Variants in TRIM44 observed in about 807,000 individuals in gnomAD.
The protein encoded by TRIM44 is tripartite motif-containing protein 44.
TRIM44 carries 13 observed loss-of-function variants against 37.4 expected under a neutral mutation model. The observed-to-expected ratio is 0.35, with a 90% CI of 0.23 to 0.55. The LOEUF (loss-of-function observed/expected upper bound fraction) is 0.55. Ranked by LOEUF, TRIM44 falls within the 20% of genes least tolerant of loss-of-function variation. The pLI is 0.89. For missense variants in TRIM44, 426 were observed against 437.2 expected (o/e 0.97, Z 0.23); for synonymous variants, 175 against 157.2 (o/e 1.11, Z -0.85).
At chr11:35,740,110 A>G (rs1214224875) in intron 4 of TRIM44, among the ~76,000 whole-genome samples, 7 of 150,470 alleles carry the variant, frequency 4.7e-5, no homozygotes, top group Non-Finnish European at 1.0e-4. Flanking sequence ...AAAAAAAAAA[A>G]AAAAAAAAAG....
At chr11:35,773,428 G>C (rs1852902286) in intron 4 of TRIM44, among the ~76,000 whole-genome samples, 1 of 151,946 alleles carries the variant, frequency 6.6e-6, no homozygotes, top group Non-Finnish European at 1.5e-5. Flanking sequence ...CTCCCACTTT[G>C]CAGGCTGTTT....
intron 2 of TRIM44, among the ~76,000 whole-genome samples, chr11:35,725,480 C>T (rs749243626): frequency 2.0e-5 from 3 of 151,938 alleles, no homozygotes; most frequent in Non-Finnish European, 4.4e-5. Flanking sequence ...ATTACAGGCA[C>T]CCACCACCAT....
chr11:35,760,107 C>T (rs1197655248), intron 4 of TRIM44, among the ~76,000 whole-genome samples: 1 of 152,216 alleles, frequency 6.6e-6, no homozygotes, highest in Non-Finnish European at 1.5e-5. Flanking sequence ...CCTACAGAGG[C>T]AGGCAGGCCT....
chr11:35,751,727 T>C (rs1336974271), intron 4 of TRIM44, among the ~76,000 whole-genome samples: 7 of 152,248 alleles, frequency 4.6e-5, no homozygotes, highest in Admixed American at 3.3e-4. Context: ...GACATAATTG[T>C]ATTTACAACC....
chr11:35,766,017 G>C (rs1326654327), intron 4 of TRIM44, among the ~76,000 whole-genome samples: 3 of 152,168 alleles, frequency 2.0e-5, no homozygotes, highest in African/African-American at 7.2e-5. Context: ...GTGGAGACAG[G>C]AGTAGGAATT....
rs1229154017 is a variant in TRIM44 at position 35,687,725 on chromosome 11, A to C, written c.747+2389A>C. On this transcript the variant is annotated intron_variant, in intron 2 of 4. Transcript: ENST00000299413. ...GAAAGTGAAAGGTTTGAGCGGTTGC[A>C]TGAGAGGAATCCCTGGAAGTGTCAG... Among the ~76,000 whole-genome samples the C allele has an allele frequency of 2.0e-5, 3 of 152,226 alleles. No homozygotes were observed. In the South Asian group the frequency reaches 6.2e-4, roughly 31 times the overall value.
At chr11:35,670,995 A>C (rs1487924766) in intron 1 of TRIM44, among the ~76,000 whole-genome samples, 1 of 152,250 alleles carries the variant, frequency 6.6e-6, no homozygotes, top group Admixed American at 6.5e-5. Context: ...TATTGGCAAG[A>C]GAATATCTTG....
intron 1 of TRIM44, among the ~76,000 whole-genome samples, chr11:35,671,755 G>A (rs1284126537): frequency 6.6e-6 from 1 of 152,226 alleles, no homozygotes; most frequent in Non-Finnish European, 1.5e-5. Context: ...CGTAAGATCA[G>A]CATTTAGTCA....
chr11:35,674,911 A>AT (rs914208883), intron 1 of TRIM44, among the ~76,000 whole-genome samples: 1 of 152,236 alleles, frequency 6.6e-6, no homozygotes, highest in African/African-American at 2.4e-5. Flanking sequence ...CCAGGAATAG[A>AT]TTCTTAGAGG....
chr11:35,688,461 AAGTT>A (rs747912583), intron 2 of TRIM44, among the ~76,000 whole-genome samples: 17 of 152,222 alleles, frequency 1.1e-4, no homozygotes, highest in Non-Finnish European at 1.9e-4. Context: ...AATCTCCCCT[AAGTT>A]AGCCACTGTT....
In TRIM44 at chr11:35,722,723, T is replaced by C. The variant is rs183006393; in HGVS notation, c.748-3201T>C. On this transcript the variant is annotated intron_variant, in intron 2 of 4. Coordinates refer to ENST00000299413, the MANE Select transcript of TRIM44 (RefSeq NM_017583.6). Reference sequence around the variant, plus strand: ...GCAAACGTGCTTTATCAGCAAGGTCTTTATGACCTGTATCTTGTGCCGACC... The same window carrying C: ...GCAAACGTGCTTTATCAGCAAGGTCCTTATGACCTGTATCTTGTGCCGACC... Among the ~76,000 whole-genome samples the C allele has an allele frequency of 4.6e-5, 7 of 152,326 alleles. No homozygotes were observed. In the East Asian group the frequency reaches 1.3e-3, roughly 29 times the overall value.
At chr11:35,757,018 C>T (rs1435954170) in intron 4 of TRIM44, among the ~76,000 whole-genome samples, 1 of 152,154 alleles carries the variant, frequency 6.6e-6, no homozygotes. Flanking sequence ...ATGCTGGCCT[C>T]ATAAAATGAG....
intron 3 of TRIM44, among the ~76,000 whole-genome samples, chr11:35,730,588 A>G (rs1053641775): frequency 1.3e-5 from 2 of 152,222 alleles, no homozygotes; most frequent in Non-Finnish European, 2.9e-5. Flanking sequence ...TCTTGAAAGC[A>G]GAGTAGCTAA....
At chr11:35,799,527 T>C (rs1281735095) in intron 4 of TRIM44, among the ~76,000 whole-genome samples, 1 of 152,180 alleles carries the variant, frequency 6.6e-6, no homozygotes. Flanking sequence ...GGTGTTAATA[T>C]CCCATTTTTT....
intron 2 of TRIM44, among the ~76,000 whole-genome samples, chr11:35,716,609 A>C (rs1852041927): frequency 6.6e-6 from 1 of 152,140 alleles, no homozygotes; most frequent in Admixed American, 6.5e-5. Context: ...CCCTTAGTTA[A>C]AGTGTCATAA....
intron 4 of TRIM44, among the ~76,000 whole-genome samples, chr11:35,750,717 A>G (rs1231777927): frequency 1.3e-5 from 2 of 152,160 alleles, no homozygotes; most frequent in African/African-American, 4.8e-5. Context: ...TGACATGCAG[A>G]AAGAGGGTAT....
At chr11:35,701,378 A>T (rs1243290920) in intron 2 of TRIM44, among the ~76,000 whole-genome samples, 2 of 145,234 alleles carry the variant, frequency 1.4e-5, no homozygotes, top group Non-Finnish European at 3.0e-5. Context: ...AGTGCTCTTT[A>T]AAAAAAAAAA....
intron 2 of TRIM44, among the ~76,000 whole-genome samples, chr11:35,699,551 G>GATGC (rs1851755061): frequency 6.6e-6 from 1 of 152,032 alleles, no homozygotes; most frequent in Non-Finnish European, 1.5e-5. Context: ...ACAAGACAGG[G>GATGC]ATGCCCTCTC....
rs539082929 is a variant in TRIM44, at chr11:35,791,679, A to C, written c.1008-14679A>C. Among the ~76,000 whole-genome samples the C allele has an allele frequency of 7.2e-5, 11 of 151,750 alleles. No homozygotes were observed. The South Asian group carries it at 1.7e-3, about 23-fold the overall frequency. The stretch of plus-strand genomic sequence containing the variant: ...TCAAGCTGTTCCCTCCACCTGGCAT[A>C]CCCCCCGCTCCTTGCCCCGTTGTCT... On this transcript the variant is annotated intron_variant, in intron 4 of 4. Transcript: ENST00000299413.
Sources: gnomAD v4.1 joint callset for allele counts (sites outside exome capture counted in the v4.1 genomes callset) on GRCh38, gnomAD v4.1.1 for gene constraint, MANE v1.5 for transcripts, NCBI Gene and HGNC (gene_info 2026-07-23, HGNC 2026-07-21) for gene names.